Variants in CADM2 observed in about 807,000 individuals in gnomAD.
CADM2 encodes the protein immunoglobulin superfamily member 4D.
In CADM2, 12 loss-of-function variants were observed where a neutral mutation model predicts 49.8. The observed-to-expected ratio is 0.24, with a 90% CI of 0.15 to 0.39. The LOEUF (loss-of-function observed/expected upper bound fraction) is 0.39, where lower values mean the gene tolerates loss of function less well. Among genes scored for constraint, CADM2 ranks in the 10% least tolerant of loss-of-function variants. The pLI, the probability that CADM2 is intolerant of heterozygous loss-of-function variation, is 1.00. For missense variants in CADM2, 378 were observed against 492.3 expected, an observed-to-expected ratio of 0.77 and a Z score of 2.20; for synonymous variants, 214 against 175.4, an observed-to-expected ratio of 1.22 and a Z score of -1.74.
At chr3:85,315,722 A>T (rs2107074469) in intron 1 of CADM2, among the ~76,000 whole-genome samples, 1 of 152,336 alleles carries the variant, frequency 6.6e-6, no homozygotes, top group Middle Eastern at 3.4e-3. Context: ...AAAACTTATC[A>T]AATATGATAT....
At chr3:85,644,357 C>A (rs1437618718) in intron 1 of CADM2, among the ~76,000 whole-genome samples, 1 of 152,138 alleles carries the variant, frequency 6.6e-6, no homozygotes, top group Non-Finnish European at 1.5e-5. Flanking sequence ...ATTCTTAATA[C>A]CTCCTTATAG....
At chr3:85,769,505 A>ATATATACACGTATATACATATATG (rs2069921623) in intron 2 of CADM2, among the ~76,000 whole-genome samples, 1 of 67,512 alleles carries the variant, frequency 1.5e-5, no homozygotes, top group African/African-American at 5.4e-5. Context: ...ACATATATGT[A>ATATATACACGTATATACATATATG]TATATACACG....
At chr3:85,433,511 G>A (rs35827242) in intron 1 of CADM2, among the ~76,000 whole-genome samples, 76,216 of 151,876 alleles carry the variant, frequency 0.5, 22,278 homozygotes, top group East Asian at 0.83. Flanking sequence ...CTACCCGCCT[G>A]GAAAGCAATC....
At chr3:85,960,191 G>T (rs1400192998) in intron 7 of CADM2, among the ~76,000 whole-genome samples, 1 of 151,798 alleles carries the variant, frequency 6.6e-6, no homozygotes, top group Non-Finnish European at 1.5e-5. Flanking sequence ...TACAATATTT[G>T]TTATTATTTT....
chr3:85,972,280 A>G (rs769169614), intron 8 of CADM2, among the ~76,000 whole-genome samples: 1 of 151,730 alleles, frequency 6.6e-6, no homozygotes, highest in Non-Finnish European at 1.5e-5. Flanking sequence ...TGCAATTAGT[A>G]GTAAGGAAAA....
At chr3:85,519,318 G>T (rs1364543677) in intron 1 of CADM2, among the ~76,000 whole-genome samples, 1 of 152,002 alleles carries the variant, frequency 6.6e-6, no homozygotes, top group Admixed American at 6.6e-5. Flanking sequence ...GTACTTGAGC[G>T]ATATATTTCC....
chr3:85,027,816 C>T (rs142241442), intron 1 of CADM2, among the ~76,000 whole-genome samples: 2 of 152,212 alleles, frequency 1.3e-5, no homozygotes, highest in African/African-American at 4.8e-5. Context: ...CCAATAGTTA[C>T]GCAGCCTGTT....
At chr3:85,309,187 A>C (rs1015408585) in intron 1 of CADM2, among the ~76,000 whole-genome samples, 1 of 152,180 alleles carries the variant, frequency 6.6e-6, no homozygotes, top group African/African-American at 2.4e-5. Flanking sequence ...AGTCTTAAAA[A>C]TCAAGGCTCT....
At chr3:85,367,579 T>C (rs1272684752) in intron 1 of CADM2, among the ~76,000 whole-genome samples, 1 of 151,832 alleles carries the variant, frequency 6.6e-6, no homozygotes, top group Non-Finnish European at 1.5e-5. Flanking sequence ...AATATTTACT[T>C]AATGGGTTAA....
Position 85,568,761 on chromosome 3 carries a change from C to T in CADM2, c.62-157761C>T, listed in dbSNP as rs1305522421. ...AGGATTACAGGCGTGAGCCACCACA[C>T]CAAACTAATTTTTTTTTTGTATTTT... is the stretch of plus-strand genomic sequence containing the variant. On this transcript the variant is annotated intron_variant, in intron 1 of 9. Transcript: ENST00000383699. Among the ~76,000 whole-genome samples the T allele has an allele frequency of 1.6e-5, 2 of 126,226 alleles. 1 individual carries two copies. Among genetic ancestry groups the T allele is most frequent in the South Asian group, 5.1e-4 (2 of 3,898 alleles). The allele number at this position is 126,226 out of a possible 152,430, so 82.8% of individuals were successfully genotyped here.
At chr3:86,057,462 A>G (rs1020714814) in intron 8 of CADM2, among the ~76,000 whole-genome samples, 1 of 152,208 alleles carries the variant, frequency 6.6e-6, no homozygotes, top group African/African-American at 2.4e-5. Context: ...TCCGTTGCTC[A>G]GCACAGCAAA....
chr3:85,251,180 T>A (rs2042766118), intron 1 of CADM2, among the ~76,000 whole-genome samples: 1 of 151,872 alleles, frequency 6.6e-6, no homozygotes, highest in Admixed American at 6.6e-5. Flanking sequence ...AATATAAGTG[T>A]CTGCTACTTT....
intron 1 of CADM2, among the ~76,000 whole-genome samples, chr3:85,376,613 C>T (rs1464438307): frequency 6.6e-6 from 1 of 151,918 alleles, no homozygotes; most frequent in African/African-American, 2.4e-5. Flanking sequence ...AAAATGGATA[C>T]ACATGATGGT....
chr3:85,789,871 A>T (rs1329181478), intron 2 of CADM2, among the ~76,000 whole-genome samples: 4 of 152,316 alleles, frequency 2.6e-5, no homozygotes, highest in African/African-American at 7.2e-5. Context: ...TAATAAGCAG[A>T]AAAGCTAAGA....
chr3:85,042,559 G>T (rs943494264), intron 1 of CADM2, among the ~76,000 whole-genome samples: 1 of 151,634 alleles, frequency 6.6e-6, no homozygotes, highest in African/African-American at 2.4e-5. Flanking sequence ...TTTTGACCGG[G>T]TTTCATTTCT....
At chr3:85,883,208 G>A in intron 3 of CADM2, 83 bp from the exon 4 acceptor site, 1 of 1,065,086 alleles carries the variant, frequency 9.4e-7, no homozygotes, top group Admixed American at 2.8e-5. Context: ...AACATTTATT[G>A]TATTGTGTTG....
intron 1 of CADM2, among the ~76,000 whole-genome samples, chr3:85,509,249 G>A (rs1363647103): frequency 6.6e-6 from 1 of 152,118 alleles, no homozygotes; most frequent in African/African-American, 2.4e-5. Context: ...CAGGAAGAGG[G>A]TGGTGGCAGT....
intron 1 of CADM2, among the ~76,000 whole-genome samples, chr3:85,498,695 G>A (rs1044956479): frequency 1.3e-5 from 2 of 151,994 alleles, no homozygotes; most frequent in South Asian, 2.1e-4. Context: ...GGATTTAAAC[G>A]GAAACACGCA....
At chr3:85,541,184 A>G (rs574443165) in intron 1 of CADM2, among the ~76,000 whole-genome samples, 1 of 151,142 alleles carries the variant, frequency 6.6e-6, no homozygotes, top group East Asian at 1.9e-4. Flanking sequence ...ACATGCGTGT[A>G]TATATATTAG....
Sources: allele counts gnomAD v4.1 joint callset (sites outside exome capture counted in the v4.1 genomes callset), GRCh38; gene constraint gnomAD v4.1.1; transcripts MANE v1.5; gene names NCBI Gene and HGNC (gene_info 2026-07-23, HGNC 2026-07-21).